The following AUTS2 variants were observed in gnomAD, a reference collection of about 807,000 sequenced individuals.
AUTS2 encodes activator of transcription and developmental regulator AUTS2.
A neutral mutation model predicts 112.4 loss-of-function variants in AUTS2; 17 were observed. That is an observed-to-expected ratio of 0.15 (90% CI 0.10 to 0.23). The LOEUF is 0.23. Among genes scored for constraint, AUTS2 ranks in the 10% least tolerant of loss-of-function variants. AUTS2 has a pLI of 1.00. For missense variants in AUTS2, 1,510 were observed against 1,701.6 expected, an observed-to-expected ratio of 0.89 and a Z score of 1.98; for synonymous variants, 751 against 702.7, an observed-to-expected ratio of 1.07 and a Z score of -1.09.
intron 1 of AUTS2, among the ~76,000 whole-genome samples, chr7:69,872,220 G>A (rs1793530326): frequency 6.6e-6 from 1 of 152,214 alleles, no homozygotes; most frequent in Non-Finnish European, 1.5e-5. Context: ...AGAGACATAA[G>A]CTGGGCCTGA....
At chr7:69,726,238 C>G in intron 1 of AUTS2, among the ~76,000 whole-genome samples, 1 of 152,026 alleles carries the variant, frequency 6.6e-6, no homozygotes, top group Admixed American at 6.5e-5. Flanking sequence ...TGTTCTGATT[C>G]GTGTTAACAT....
chr7:70,223,630 CCTT>C (rs908159516), intron 4 of AUTS2, among the ~76,000 whole-genome samples: 1 of 152,130 alleles, frequency 6.6e-6, no homozygotes, highest in African/African-American at 2.4e-5. Context: ...TTAGTGTAGT[CCTT>C]CTACTAGTTA....
intron 4 of AUTS2, among the ~76,000 whole-genome samples, chr7:70,373,138 T>C (rs531648835): frequency 6.6e-6 from 1 of 151,656 alleles, no homozygotes; most frequent in African/African-American, 2.4e-5. Flanking sequence ...TTTTTTTTTT[T>C]ATGTGAGAAA....
intron 5 of AUTS2, among the ~76,000 whole-genome samples, chr7:70,499,073 G>C (rs1434329733): frequency 6.6e-6 from 1 of 152,168 alleles, no homozygotes; most frequent in African/African-American, 2.4e-5. Flanking sequence ...GTTGAGTCTT[G>C]CTGGGCACTG....
chr7:70,667,119 G>A (rs1669870431), intron 5 of AUTS2, among the ~76,000 whole-genome samples: 2 of 152,188 alleles, frequency 1.3e-5, no homozygotes, highest in South Asian at 4.1e-4. Context: ...GTACTCAAAG[G>A]ATTAAAAGCT....
At chr7:70,422,016 A>G (rs1277451827) in intron 4 of AUTS2, among the ~76,000 whole-genome samples, 2 of 152,234 alleles carry the variant, frequency 1.3e-5, no homozygotes, top group Non-Finnish European at 2.9e-5. Context: ...TTTGTTGGGT[A>G]CAGTTTAATT....
chr7:70,783,515 A>G (rs994956801), intron 15 of AUTS2: 9 of 152,226 alleles, frequency 5.9e-5, no homozygotes, highest in African/African-American at 2.2e-4. Context: ...TCCTAAGGGA[A>G]TTTATATTTG....
At chr7:70,555,780 T>C (rs1483854069) in intron 5 of AUTS2, among the ~76,000 whole-genome samples, 1 of 151,658 alleles carries the variant, frequency 6.6e-6, no homozygotes, top group African/African-American at 2.4e-5. Flanking sequence ...TGGTATCTGC[T>C]TGGCTTCTGG....
chr7:70,470,001 C>T (rs1276167889), intron 5 of AUTS2, among the ~76,000 whole-genome samples: 3 of 152,176 alleles, frequency 2.0e-5, no homozygotes, highest in Non-Finnish European at 4.4e-5. Context: ...TGGGCTGGCT[C>T]TTCAAGGATA....
intron 4 of AUTS2, among the ~76,000 whole-genome samples, chr7:70,418,657 A>G (rs1795089475): frequency 6.6e-6 from 1 of 151,370 alleles, no homozygotes; most frequent in African/African-American, 2.4e-5. Flanking sequence ...ATCAGCAGCC[A>G]TGGGAACCTC....
chr7:70,693,612 G>T (rs1435942609), intron 5 of AUTS2, among the ~76,000 whole-genome samples: 2 of 152,246 alleles, frequency 1.3e-5, no homozygotes, highest in East Asian at 3.8e-4. Context: ...ACAATGCAAT[G>T]ATTATTTTGT....
intron 1 of AUTS2, among the ~76,000 whole-genome samples, chr7:69,814,257 A>T (rs1218553684): frequency 2.6e-5 from 4 of 152,174 alleles, no homozygotes; most frequent in Non-Finnish European, 5.9e-5. Flanking sequence ...GAACCACGTC[A>T]TTTGTTTTCC....
chr7:69,735,119 C>G (rs1030036856), intron 1 of AUTS2, among the ~76,000 whole-genome samples: 1 of 152,152 alleles, frequency 6.6e-6, no homozygotes, highest in African/African-American at 2.4e-5. Context: ...GTCTCTTACC[C>G]AGTCTGATTA....
intron 5 of AUTS2, among the ~76,000 whole-genome samples, chr7:70,447,353 A>C (rs1365542240): frequency 6.6e-6 from 1 of 152,256 alleles, no homozygotes; most frequent in Admixed American, 6.5e-5. Flanking sequence ...TAATGGTAGC[A>C]GAAATAGCCT....
At chr7:69,998,504 C>T (rs1364712737) in intron 2 of AUTS2, among the ~76,000 whole-genome samples, 1 of 152,164 alleles carries the variant, frequency 6.6e-6, no homozygotes, top group African/African-American at 2.4e-5. Flanking sequence ...TTAAAGGTGC[C>T]TGGTTCTGTG....
At chr7:69,804,404 G>A (rs1341676035) in intron 1 of AUTS2, among the ~76,000 whole-genome samples, 7 of 152,186 alleles carry the variant, frequency 4.6e-5, no homozygotes, top group Admixed American at 4.6e-4. Context: ...AAGTTCATTA[G>A]TGGCTCCTAT....
At chr7:69,644,150 T>G (rs1794918329) in intron 1 of AUTS2, among the ~76,000 whole-genome samples, 1 of 152,152 alleles carries the variant, frequency 6.6e-6, no homozygotes, top group Non-Finnish European at 1.5e-5. Flanking sequence ...TATGGTGGCC[T>G]GAGCTAAGAC....
At chr7:69,936,966 CTT>C (rs940193363) in intron 2 of AUTS2, among the ~76,000 whole-genome samples, 7 of 152,102 alleles carry the variant, frequency 4.6e-5, no homozygotes, top group Admixed American at 1.3e-4. Flanking sequence ...CCTGTTCTCT[CTT>C]CTCTTTCCCC....
intron 1 of AUTS2, among the ~76,000 whole-genome samples, chr7:69,650,926 T>C (rs1795260993): frequency 6.6e-6 from 1 of 152,256 alleles, no homozygotes; most frequent in African/African-American, 2.4e-5. Flanking sequence ...GCCCGTGCTA[T>C]GCTGTGTGCT....
Sources: gnomAD v4.1 joint callset for allele counts (sites outside exome capture counted in the v4.1 genomes callset) on GRCh38, gnomAD v4.1.1 for gene constraint, MANE v1.5 for transcripts, NCBI Gene and HGNC (gene_info 2026-07-23, HGNC 2026-07-21) for gene names.